DNAH11: variants seen among roughly 807,000 people sequenced by gnomAD.
The protein encoded by DNAH11 is dynein axonemal heavy chain 11.
Under a neutral mutation model 526.0 loss-of-function variants are expected in DNAH11, and 442 were observed. The ratio of observed to expected loss-of-function variants is 0.84; its 90% confidence interval spans 0.78 to 0.91. DNAH11 has a LOEUF of 0.91. DNAH11 is among the 40% of genes least tolerant of loss of function. The pLI is 0.00. For missense variants in DNAH11, 6,989 were observed against 5,448.7 expected (o/e 1.28, Z -8.90); for synonymous variants, 2,461 against 1,935.9 (o/e 1.27, Z -7.12).
chr7:21,884,311 T>G lies in DNAH11; in HGVS notation c.12408T>G (p.Arg4136=). The part of the protein sequence containing the change: ...ANSKVPWEDL[R]YLFGEIMYGG... ...CACAGGTCCCATGGGAAGATCTCCG[T>G]TATCTCTTTGGTGAGATCATGTATG... The change falls in exon 76 of 82, where the codon CGT becomes CGG. Residue 4136 remains arginine, a synonymous_variant. Coordinates refer to ENST00000409508, the MANE Select transcript of DNAH11 (RefSeq NM_001277115.2). The G allele has an allele frequency of 1.9e-6, 3 of 1,610,242 alleles. No homozygotes were observed. The highest frequency in any genetic ancestry group is 2.5e-6 in the Non-Finnish European group (3 of 1,178,268).
chr7:21,748,126 C>G (rs1262878259), intron 51 of DNAH11, among the ~76,000 whole-genome samples: 2 of 151,478 alleles, frequency 1.3e-5, no homozygotes, highest in Non-Finnish European at 2.9e-5. Context: ...TGAACAAGGA[C>G]TAGAGGTTTC....
In DNAH11 at chr7:21,564,166, T is replaced by C. The variant is rs779376060; in HGVS notation, c.983-20T>C. The C allele has an allele frequency of 2.0e-6, 3 of 1,497,826 alleles. No individual in the cohort carries two copies. The South Asian group carries it at 4.1e-5, about 20-fold the overall frequency. 92.8% of individuals were successfully genotyped at this position (1,497,826 alleles called of 1,614,324 possible). On this transcript the variant is annotated intron_variant, in intron 5 of 81. Transcript: ENST00000409508. ...AAAAAACAAACCAGAATCACGTTAA[T>C]GGTGGTTCTTTGCTTTCAGCTCTTC...
intron 20 of DNAH11, among the ~76,000 whole-genome samples, chr7:21,610,203 G>A (rs1243203262): frequency 6.6e-6 from 1 of 152,116 alleles, no homozygotes; most frequent in Non-Finnish European, 1.5e-5. Flanking sequence ...GCAGTGAGCC[G>A]AGATTGCGCC....
intron 12 of DNAH11, 59 bp downstream of exon 12, chr7:21,589,462 C>G: frequency 7.4e-7 from 1 of 1,356,222 alleles, no homozygotes; most frequent in Non-Finnish European, 1.0e-6. Flanking sequence ...AAGCCTATTT[C>G]TGATATTTCC....
chr7:21,565,352 G>T (rs1783623574), intron 6 of DNAH11, among the ~76,000 whole-genome samples: 1 of 152,120 alleles, frequency 6.6e-6, no homozygotes, highest in South Asian at 2.1e-4. Context: ...CCTATATCCA[G>T]ATACAGTCAC....
chr7:21,876,586 G>T (rs938412626), intron 74 of DNAH11, among the ~76,000 whole-genome samples: 2 of 152,224 alleles, frequency 1.3e-5, no homozygotes, highest in African/African-American at 4.8e-5. Context: ...CCACATGAGA[G>T]TTTTACAGAT....
chr7:21,720,605 A>T, intron 43 of DNAH11, 120 bp from the exon 44 acceptor site: 1 of 1,164,560 alleles, frequency 8.6e-7, no homozygotes, highest in African/African-American at 1.6e-5. Flanking sequence ...CCAATGTAGC[A>T]AATCACAGCT....
intron 42 of DNAH11, among the ~76,000 whole-genome samples, chr7:21,717,167 A>G (rs1784697029): frequency 6.6e-6 from 1 of 150,932 alleles, no homozygotes; most frequent in Non-Finnish European, 1.5e-5. Context: ...AGGATATTTA[A>G]TGTATCAAAT....
chr7:21,679,025 C>A (rs1562486161), intron 30 of DNAH11, among the ~76,000 whole-genome samples: 1 of 152,052 alleles, frequency 6.6e-6, no homozygotes, highest in Non-Finnish European at 1.5e-5. Context: ...GACACTCATG[C>A]CCATGCACAC....
chr7:21,819,797 A>T (rs1789977103), intron 65 of DNAH11, among the ~76,000 whole-genome samples: 1 of 152,186 alleles, frequency 6.6e-6, no homozygotes, highest in Admixed American at 6.5e-5. Flanking sequence ...AATTTTAGAA[A>T]CAGATTTTAC....
intron 73 of DNAH11, among the ~76,000 whole-genome samples, chr7:21,872,322 T>C (rs1439678762): frequency 6.6e-6 from 1 of 151,974 alleles, no homozygotes; most frequent in Non-Finnish European, 1.5e-5. Flanking sequence ...TAAAAGCCAA[T>C]AATGTGAATG....
chr7:21,690,821 C>T lies in DNAH11; in HGVS notation c.5981C>T (p.Thr1994Ile). 6.2e-7 allele frequency: 1 copy of T among 1,612,792 alleles called. No individual in the cohort carries two copies. Among genetic ancestry groups the T allele is most frequent in the Non-Finnish European group, 8.5e-7 (1 of 1,179,518 alleles). The change falls in exon 35 of 82, where the codon ACT (threonine) becomes ATT (isoleucine). Residue 1994 changes from threonine to isoleucine, a missense_variant. By Grantham distance (89) the Thr-to-Ile change is moderately conservative (BLOSUM62 -1). Transcript: ENST00000409508. ...TLKPSVGIFI[T>I]MNPGYAGRTE... is the part of the protein sequence containing the mutation. The stretch of plus-strand genomic sequence containing the variant: ...AAGCCATCAGTTGGAATATTTATTA[C>T]TATGAACCCGGGTTATGCTGGTCGA...
intron 66 of DNAH11, among the ~76,000 whole-genome samples, chr7:21,843,428 A>T (rs575642037): frequency 6.6e-6 from 1 of 152,006 alleles, no homozygotes; most frequent in South Asian, 2.1e-4. Context: ...ACAAAGGCAT[A>T]TAACTACACA....
At chr7:21,893,660 A>T (rs933460499) in intron 77 of DNAH11, among the ~76,000 whole-genome samples, 2 of 152,178 alleles carry the variant, frequency 1.3e-5, no homozygotes, top group East Asian at 3.9e-4. Flanking sequence ...GGAGCTGTCT[A>T]CATAGAATTA....
At chr7:21,727,544 C>A (rs965828363) in intron 45 of DNAH11, among the ~76,000 whole-genome samples, 1 of 152,204 alleles carries the variant, frequency 6.6e-6, no homozygotes, top group African/African-American at 2.4e-5. Flanking sequence ...TCATAGATTG[C>A]TCTTCTGCAT....
In DNAH11 at chr7:21,582,003, C is replaced by A; in HGVS notation, c.1692C>A (p.Gly564=). Residue 564 remains glycine (G), a synonymous_variant, in exon 9 of 82, where the codon GGC becomes GGA. Transcript: ENST00000409508. ...GTGAAGCTTTCTTTAACTGCAATGG[C>A]TTAGAAGCTGCATTTAAGGTTAGTT... The part of the protein sequence containing the change: ...IICEAFFNCN[G]LEAAFKLLTI... The A allele has an allele frequency of 6.2e-7, 1 of 1,610,384 alleles. No homozygotes were observed. The highest frequency in any genetic ancestry group is 8.5e-7 in the Non-Finnish European group (1 of 1,176,944).
In DNAH11 at chr7:21,700,126, A is replaced by G. The variant is rs1783997216; in HGVS notation, c.6180+1913A>G. Among the ~76,000 whole-genome samples the G allele has an allele frequency of 2.6e-5, 4 of 152,210 alleles. No individual in the cohort carries two copies. In the South Asian group the frequency reaches 8.3e-4, roughly 32 times the overall value. On this transcript the variant is annotated intron_variant, in intron 36 of 81. Coordinates refer to ENST00000409508, the MANE Select transcript of DNAH11 (RefSeq NM_001277115.2). ...AAAACTGAGCAAAACAACCTGTCCC[A>G]AGTCCATATAGCTAACAAGGGATAA... is the stretch of plus-strand genomic sequence containing the variant.
chr7:21,882,238 G>A (rs1488252576), intron 75 of DNAH11, among the ~76,000 whole-genome samples: 1 of 152,168 alleles, frequency 6.6e-6, no homozygotes, highest in Non-Finnish European at 1.5e-5. Context: ...TACATCCTGA[G>A]TCTTGGAAAC....
intron 62 of DNAH11, among the ~76,000 whole-genome samples, chr7:21,801,483 G>C (rs1222263570): frequency 6.6e-6 from 1 of 152,146 alleles, no homozygotes; most frequent in Admixed American, 6.5e-5. Context: ...AACTCAATGT[G>C]CCATCAGTCT....
Sources: gnomAD v4.1 joint callset for allele counts (sites outside exome capture counted in the v4.1 genomes callset) on GRCh38, gnomAD v4.1.1 for gene constraint, MANE v1.5 for transcripts, NCBI Gene and HGNC (gene_info 2026-07-23, HGNC 2026-07-21) for gene names.